Variants in FSTL4 observed in about 807,000 individuals in gnomAD.
FSTL4 encodes follistatin like 4.
A neutral mutation model predicts 78.2 loss-of-function variants in FSTL4; 28 were observed. The observed-to-expected ratio is 0.36, with a 90% CI of 0.27 to 0.49. FSTL4 has a LOEUF of 0.49. Among genes scored for constraint, FSTL4 ranks in the 20% least tolerant of loss-of-function variants. The pLI is 0.98. For missense variants in FSTL4, 922 were observed against 1,084.9 expected, an observed-to-expected ratio of 0.85 and a Z score of 2.11; for synonymous variants, 422 against 440.5, an observed-to-expected ratio of 0.96 and a Z score of 0.53.
chr5:133,580,425 G>A (rs1218171939), intron 2 of FSTL4, among the ~76,000 whole-genome samples: 1 of 152,200 alleles, frequency 6.6e-6, no homozygotes, highest in East Asian at 1.9e-4. Flanking sequence ...TCCTGGAGAT[G>A]TAGCAGTGCC....
intron 3 of FSTL4, among the ~76,000 whole-genome samples, chr5:133,443,506 T>C (rs1190451563): frequency 1.3e-5 from 2 of 152,228 alleles, no homozygotes; most frequent in African/African-American, 4.8e-5. Context: ...GGCCCATCCC[T>C]CTGGAAAAGG....
At chr5:133,565,488 A>G (rs1760006334) in intron 3 of FSTL4, among the ~76,000 whole-genome samples, 1 of 152,260 alleles carries the variant, frequency 6.6e-6, no homozygotes, top group Non-Finnish European at 1.5e-5. Context: ...AGCAAGAAAG[A>G]CATCAGTGCA....
Position 133,488,379 on chromosome 5 carries a change from T to C in FSTL4, c.160+78807A>G, listed in dbSNP as rs142557890. Among the ~76,000 whole-genome samples the C allele has an allele frequency of 1.1e-4, 17 of 152,272 alleles. No homozygotes were observed. In the East Asian group the frequency reaches 3.1e-3, roughly 28 times the overall value. ...AAGCGATTCTCATGTCTCAGCCTCC[T>C]GAGTAGCTGGAATTACGGGTACCCA... On this transcript the variant is annotated intron_variant, in intron 3 of 15. Coordinates refer to ENST00000265342, the MANE Select transcript of FSTL4 (RefSeq NM_015082.2).
chr5:133,423,054 C>G (rs997307925), intron 3 of FSTL4, among the ~76,000 whole-genome samples: 2 of 152,158 alleles, frequency 1.3e-5, no homozygotes, highest in Non-Finnish European at 2.9e-5. Flanking sequence ...CGGCCGAGCT[C>G]TAGTTTTGAA....
At chr5:133,741,054 A>G in the FSTL4 span, among the ~76,000 whole-genome samples, 1 of 152,120 alleles carries the variant, frequency 6.6e-6, no homozygotes, top group South Asian at 2.1e-4. Flanking sequence ...AGGAGAGGAA[A>G]AGAGAGCAAG....
chr5:133,375,311 T>TATATATATATATATATATATATATAA (rs1298027325), intron 4 of FSTL4, among the ~76,000 whole-genome samples: 15 of 138,514 alleles, frequency 1.1e-4, no homozygotes, highest in Admixed American at 3.9e-4. Context: ...TATATATATA[T>TATATATATATATATATATATATATAA]AAAAGACTCT....
the FSTL4 span, among the ~76,000 whole-genome samples, chr5:133,679,322 C>T: frequency 2.3e-4 from 35 of 152,262 alleles, no homozygotes; most frequent in South Asian, 1.9e-3. Flanking sequence ...GTGAGCCACC[C>T]TTATCATTTA....
chr5:133,453,055 AAATG>A (rs542421324), intron 3 of FSTL4, among the ~76,000 whole-genome samples: 8 of 152,284 alleles, frequency 5.3e-5, no homozygotes, highest in Non-Finnish European at 8.8e-5. Flanking sequence ...ACAGGCTCAA[AAATG>A]AATGAATGAA....
At chr5:133,322,139 G>A (rs189241042) in intron 4 of FSTL4, among the ~76,000 whole-genome samples, 6 of 151,878 alleles carry the variant, frequency 4.0e-5, no homozygotes, top group South Asian at 4.2e-4. Context: ...ACACAGCTGC[G>A]CTTTCTCATG....
chr5:133,238,076 ATAGT>A (rs1171437528), intron 7 of FSTL4, among the ~76,000 whole-genome samples: 1 of 152,230 alleles, frequency 6.6e-6, no homozygotes, highest in African/African-American at 2.4e-5. Context: ...GTATTAAACA[ATAGT>A]TAAGCAGAGA....
chr5:133,240,568 CG>C (rs1194089705), intron 7 of FSTL4, among the ~76,000 whole-genome samples: 1 of 152,144 alleles, frequency 6.6e-6, no homozygotes, highest in Admixed American at 6.5e-5. Context: ...TTCCAAGGCT[CG>C]GGGCATGTGT....
At chr5:133,753,016 T>G in the FSTL4 span, among the ~76,000 whole-genome samples, 1 of 152,218 alleles carries the variant, frequency 6.6e-6, no homozygotes, top group African/African-American at 2.4e-5. Flanking sequence ...ATGGTTGTTA[T>G]GAAATAACCC....
chr5:133,652,805 G>T, the FSTL4 span, among the ~76,000 whole-genome samples: 1 of 152,220 alleles, frequency 6.6e-6, no homozygotes, highest in African/African-American at 2.4e-5. Context: ...AGACAGTATT[G>T]TAATCAAGCT....
intron 6 of FSTL4, among the ~76,000 whole-genome samples, chr5:133,278,887 C>T (rs1340371530): frequency 1.3e-5 from 2 of 152,198 alleles, no homozygotes; most frequent in Admixed American, 6.5e-5. Context: ...AACTAAAGCC[C>T]AGATGGCAAG....
At chr5:133,723,354 T>C in the FSTL4 span, among the ~76,000 whole-genome samples, 6 of 152,232 alleles carry the variant, frequency 3.9e-5, no homozygotes, top group Admixed American at 3.3e-4. Flanking sequence ...GAGCAGAACA[T>C]AGCTGTAGTT....
intron 6 of FSTL4, among the ~76,000 whole-genome samples, chr5:133,300,500 G>T (rs1164743050): frequency 6.6e-6 from 1 of 152,146 alleles, no homozygotes; most frequent in Admixed American, 6.5e-5. Flanking sequence ...CCCCAGCTGT[G>T]GCCTGGTACA....
chr5:133,789,575 T>C, the FSTL4 span, among the ~76,000 whole-genome samples: 1 of 152,222 alleles, frequency 6.6e-6, no homozygotes, highest in Non-Finnish European at 1.5e-5. Flanking sequence ...AACACAGTTC[T>C]GGGAAAAGCC....
At chr5:133,560,944 C>G (rs1419351599) in intron 3 of FSTL4, among the ~76,000 whole-genome samples, 1 of 151,188 alleles carries the variant, frequency 6.6e-6, no homozygotes, top group African/African-American at 2.4e-5. Flanking sequence ...AAAACTTTAG[C>G]CGGGCATGGT....
intron 3 of FSTL4, among the ~76,000 whole-genome samples, chr5:133,495,837 G>T (rs1758357676): frequency 6.6e-6 from 1 of 152,210 alleles, no homozygotes; most frequent in Non-Finnish European, 1.5e-5. Flanking sequence ...CATAGGCCAT[G>T]AAATCAGATG....
Sources: allele counts gnomAD v4.1 joint callset (sites outside exome capture counted in the v4.1 genomes callset), GRCh38; gene constraint gnomAD v4.1.1; transcripts MANE v1.5; gene names NCBI Gene and HGNC (gene_info 2026-07-23, HGNC 2026-07-21).